Variants in LMBR1 observed in about 807,000 individuals in gnomAD.
The protein encoded by LMBR1 is limb region 1 protein homolog.
LMBR1 carries 52 observed loss-of-function variants against 73.9 expected under a neutral mutation model. That is an observed-to-expected ratio of 0.70 (90% confidence interval 0.56 to 0.89). The LOEUF (loss-of-function observed/expected upper bound fraction) is 0.89, where lower values mean the gene tolerates loss of function less well. Ranked by LOEUF, LMBR1 falls within the 40% of genes least tolerant of loss-of-function variation. The pLI, the probability that LMBR1 is intolerant of heterozygous loss-of-function variation, is 0.00. For missense variants in LMBR1, 539 were observed against 579.8 expected, an observed-to-expected ratio of 0.93 and a Z score of 0.72; for synonymous variants, 215 against 209.4, an observed-to-expected ratio of 1.03 and a Z score of -0.23.
intron 9 of LMBR1, among the ~76,000 whole-genome samples, chr7:156,746,630 A>T (rs78366547): frequency 0.013 from 2,010 of 152,316 alleles, 42 homozygotes; most frequent in African/African-American, 0.046. Flanking sequence ...TCCTCAAATA[A>T]ATCATACTTT....
At chr7:156,714,371 C>T (rs1338203920) in intron 15 of LMBR1, among the ~76,000 whole-genome samples, 2 of 152,102 alleles carry the variant, frequency 1.3e-5, no homozygotes, top group African/African-American at 4.8e-5. Context: ...TAGGTTTTGC[C>T]GGAGAACGGC....
At chr7:156,878,164 A>G (rs983723828) in intron 1 of LMBR1, among the ~76,000 whole-genome samples, 1 of 152,190 alleles carries the variant, frequency 6.6e-6, no homozygotes, top group Non-Finnish European at 1.5e-5. Context: ...GCCCACTCTC[A>G]CCACTTCTAT....
chr7:156,802,520 A>T (rs1026423837), intron 4 of LMBR1, among the ~76,000 whole-genome samples: 13 of 152,218 alleles, frequency 8.5e-5, no homozygotes, highest in African/African-American at 3.1e-4. Flanking sequence ...TGAACTAAAG[A>T]AGTAGTCTCA....
chr7:156,675,909 T>G, downstream of LMBR1: 1 of 1,585,256 alleles, frequency 6.3e-7, no homozygotes, highest in Non-Finnish European at 8.6e-7. Context: ...CAGCTGCAGC[T>G]GCAGAGGCTG....
At position 156,734,262 on chromosome 7, in the gene LMBR1, T is replaced by G; in HGVS notation, c.758-5A>C. 1.3e-6 allele frequency: 2 copies of G among 1,585,548 alleles called. No homozygotes were observed. The highest frequency in any genetic ancestry group is 1.7e-6 in the Non-Finnish European group (2 of 1,169,272). The stretch of plus-strand genomic sequence containing the variant: ...ATTCCACCGATGAAGACAGCCCTGT[T>G]CAAAGCAAAAAATATTTAGAAGTAA... On this transcript the variant is annotated splice_polypyrimidine_tract_variant and splice_region_variant and intron_variant, in intron 9 of 16. Transcript: ENST00000353442.
chr7:156,860,775 T>A (rs777034417), intron 1 of LMBR1, among the ~76,000 whole-genome samples: 1 of 152,228 alleles, frequency 6.6e-6, no homozygotes, highest in Non-Finnish European at 1.5e-5. Flanking sequence ...ACAGGCCCCA[T>A]GCAGTCTGAA....
intron 4 of LMBR1, among the ~76,000 whole-genome samples, chr7:156,797,514 T>C (rs980352918): frequency 1.3e-5 from 2 of 152,216 alleles, no homozygotes; most frequent in Non-Finnish European, 2.9e-5. Context: ...GCAGTGGAGA[T>C]GTGGTGATGA....
chr7:156,693,166 A>G (rs1471847179), intron 15 of LMBR1, among the ~76,000 whole-genome samples: 1 of 152,182 alleles, frequency 6.6e-6, no homozygotes, highest in Non-Finnish European at 1.5e-5. Context: ...GGAGAAGAGA[A>G]GAAAAAACAC....
At position 156,756,409 on chromosome 7, in the gene LMBR1, G is replaced by T; in HGVS notation, c.741C>A (p.Leu247=). 1 of 1,494,436 alleles carries T rather than the reference G, an allele frequency of 6.7e-7. No homozygotes were observed. The allele number at this position is 1,494,436 out of a possible 1,614,324, so 92.6% of individuals were successfully genotyped here. The part of the protein sequence containing the change: ...IYIITLEEEA[L]QRRLNGLSSS... ...TAAACATACCATTTAGTCGTCTCTGGAGTGCTTCTTCCTCTAAGGTAATGA... is the reference window on the plus strand; with the variant it reads ...TAAACATACCATTTAGTCGTCTCTGTAGTGCTTCTTCCTCTAAGGTAATGA... Residue 247 remains leucine, a synonymous_variant, in exon 9 of 17, where the codon CTC becomes CTA. Transcript: ENST00000353442.
At chr7:156,806,278 T>A (rs1832055677) in intron 4 of LMBR1, among the ~76,000 whole-genome samples, 1 of 152,212 alleles carries the variant, frequency 6.6e-6, no homozygotes, top group Non-Finnish European at 1.5e-5. Context: ...AATTTCCAAT[T>A]ATTAACTGCC....
At chr7:156,828,422 T>C (rs1480216457) in intron 3 of LMBR1, among the ~76,000 whole-genome samples, 1 of 152,194 alleles carries the variant, frequency 6.6e-6, no homozygotes, top group Non-Finnish European at 1.5e-5. Flanking sequence ...AAAAATTACA[T>C]CTTCAGAGTA....
chr7:156,697,465 A>G (rs1808555835), intron 15 of LMBR1, among the ~76,000 whole-genome samples: 1 of 152,126 alleles, frequency 6.6e-6, no homozygotes, highest in African/African-American at 2.4e-5. Context: ...ACTGCAGGAG[A>G]CCACAGCATA....
Position 156,670,902 on chromosome 7 carries a change from G to T in LMBR1, n.867-1615C>A, listed in dbSNP as rs1802336415. Among the ~76,000 whole-genome samples, 1 of 152,222 alleles carries T rather than the reference G, an allele frequency of 6.6e-6. No individual in the cohort carries two copies. The highest frequency in any genetic ancestry group is 6.5e-5 in the Admixed American group (1 of 15,278). ...AATCTGAGATGTCAGTGGTAAAAAT[G>T]TGAGTAAATCTAATAGACATTGATT... On this transcript the variant is annotated intron_variant and non_coding_transcript_variant, in intron 4 of 4. Transcript: ENST00000430825. This position sits in a 1 kb window ranked among gnomAD's most constrained non-coding sequence, Gnocchi z 4.3.
At chr7:156,772,872 G>A (rs992282140) in intron 5 of LMBR1, among the ~76,000 whole-genome samples, 1 of 150,166 alleles carries the variant, frequency 6.7e-6, no homozygotes, top group Admixed American at 6.6e-5. Flanking sequence ...GAGGGGAGGG[G>A]AAGGGAGGGG....
At chr7:156,751,852 G>C (rs1198672024) in intron 9 of LMBR1, among the ~76,000 whole-genome samples, 1 of 152,210 alleles carries the variant, frequency 6.6e-6, no homozygotes, top group Non-Finnish European at 1.5e-5. Context: ...ATATGTTTAA[G>C]ATGCCTATTG....
chr7:156,724,400 G>A (rs1387862737), intron 14 of LMBR1, among the ~76,000 whole-genome samples: 2 of 152,092 alleles, frequency 1.3e-5, no homozygotes, highest in African/African-American at 4.8e-5. Context: ...ACCTAGCACA[G>A]ATATAGTTAT....
chr7:156,704,206 C>T (rs920398506), intron 15 of LMBR1, among the ~76,000 whole-genome samples: 1 of 152,186 alleles, frequency 6.6e-6, no homozygotes, highest in Non-Finnish European at 1.5e-5. Flanking sequence ...AACAGACATG[C>T]TTAGCCCACC....
At chr7:156,798,774 T>G (rs573727405) in intron 4 of LMBR1, among the ~76,000 whole-genome samples, 1 of 152,226 alleles carries the variant, frequency 6.6e-6, no homozygotes. Flanking sequence ...GAAAAATACA[T>G]GACCGTTTCA....
At chr7:156,771,435 T>C (rs1340965442) in intron 5 of LMBR1, among the ~76,000 whole-genome samples, 1 of 152,172 alleles carries the variant, frequency 6.6e-6, no homozygotes, top group African/African-American at 2.4e-5. Flanking sequence ...CATCAGGGAC[T>C]ATTATGAACA....
Sources: allele counts gnomAD v4.1 joint callset (sites outside exome capture counted in the v4.1 genomes callset), GRCh38; gene constraint gnomAD v4.1.1; non-coding constraint Gnocchi (gnomAD v3.1); transcripts MANE v1.5; gene names NCBI Gene and HGNC (gene_info 2026-07-23, HGNC 2026-07-21).